Variants in PITPNC1 observed in about 807,000 individuals in gnomAD.
PITPNC1 encodes cytoplasmic phosphatidylinositol transfer protein 1.
PITPNC1 carries 18 observed loss-of-function variants against 44.7 expected under a neutral mutation model. The observed-to-expected ratio is 0.40, with a 90% confidence interval of 0.28 to 0.60. PITPNC1 has a LOEUF of 0.60. Among genes scored for constraint, PITPNC1 ranks in the 20% least tolerant of loss-of-function variants. PITPNC1 has a pLI of 0.39. For missense variants in PITPNC1, 290 were observed against 418.4 expected, an observed-to-expected ratio of 0.69 and a Z score of 2.68; for synonymous variants, 141 against 149.6, an observed-to-expected ratio of 0.94 and a Z score of 0.42.
intron 1 of PITPNC1, among the ~76,000 whole-genome samples, chr17:67,418,362 A>G (rs2038616493): frequency 6.6e-6 from 1 of 152,220 alleles, no homozygotes; most frequent in African/African-American, 2.4e-5. Context: ...TTAGTAAGTA[A>G]ATACTGACCC....
At chr17:67,435,744 C>T (rs2038928818) in intron 1 of PITPNC1, among the ~76,000 whole-genome samples, 2 of 152,098 alleles carry the variant, frequency 1.3e-5, no homozygotes, top group South Asian at 4.1e-4. Context: ...CCCAGCTACT[C>T]AGGAGGCTGA....
chr17:67,498,636 G>A (rs774258963), intron 1 of PITPNC1, among the ~76,000 whole-genome samples: 6 of 152,108 alleles, frequency 3.9e-5, no homozygotes, highest in South Asian at 2.1e-4. Context: ...TCTCCATAGC[G>A]GCTGTGCTAC....
intron 6 of PITPNC1, among the ~76,000 whole-genome samples, chr17:67,662,324 C>CAT (rs1460823483): frequency 3.3e-5 from 5 of 151,262 alleles, no homozygotes; most frequent in Admixed American, 6.6e-5. Flanking sequence ...TGTGGTGGTG[C>CAT]GTGCCTGTAA....
intron 5 of PITPNC1, among the ~76,000 whole-genome samples, chr17:67,605,367 C>A (rs2041595108): frequency 6.6e-6 from 1 of 152,200 alleles, no homozygotes; most frequent in South Asian, 2.1e-4. Flanking sequence ...TACGGATTTT[C>A]CATGGTCTGC....
At chr17:67,402,973 C>A (rs902252368) in intron 1 of PITPNC1, among the ~76,000 whole-genome samples, 1 of 151,990 alleles carries the variant, frequency 6.6e-6, no homozygotes, top group African/African-American at 2.4e-5. Context: ...AGCCTGACCA[C>A]GTTTTTGATT....
chr17:67,380,232 G>A (rs374340035), intron 1 of PITPNC1, among the ~76,000 whole-genome samples: 16 of 152,040 alleles, frequency 1.1e-4, no homozygotes, highest in South Asian at 6.2e-4. Context: ...CTGCCACCAC[G>A]TCTGGCTAAT....
intron 5 of PITPNC1, among the ~76,000 whole-genome samples, chr17:67,596,286 G>T (rs2041458504): frequency 1.3e-5 from 2 of 152,088 alleles, no homozygotes; most frequent in Non-Finnish European, 2.9e-5. Flanking sequence ...GAACCATCTG[G>T]GTCTCTTGGA....
At chr17:67,441,609 G>C (rs1160825775) in intron 1 of PITPNC1, among the ~76,000 whole-genome samples, 3 of 152,278 alleles carry the variant, frequency 2.0e-5, no homozygotes, top group South Asian at 4.1e-4. Flanking sequence ...CTTCTAATCC[G>C]ATCACAGCTG....
intron 1 of PITPNC1, among the ~76,000 whole-genome samples, chr17:67,384,424 T>TTA (rs1257566306): frequency 8.7e-6 from 1 of 114,720 alleles, no homozygotes; most frequent in Non-Finnish European, 2.1e-5. Context: ...GTGTTCCTTG[T>TTA]TCTCTTTTTT....
chr17:67,556,614 T>C (rs1356677998), intron 4 of PITPNC1, among the ~76,000 whole-genome samples: 1 of 152,026 alleles, frequency 6.6e-6, no homozygotes, highest in Non-Finnish European at 1.5e-5. Flanking sequence ...ATCCTGCAAT[T>C]GACATGCCAT....
At chr17:67,492,223 G>T (rs2039874926) in intron 1 of PITPNC1, among the ~76,000 whole-genome samples, 1 of 152,106 alleles carries the variant, frequency 6.6e-6, no homozygotes, top group Non-Finnish European at 1.5e-5. Flanking sequence ...CTGTGAATAT[G>T]ATCTTATTTG....
At chr17:67,390,569 T>C (rs2038123927) in intron 1 of PITPNC1, among the ~76,000 whole-genome samples, 1 of 152,220 alleles carries the variant, frequency 6.6e-6, no homozygotes, top group Non-Finnish European at 1.5e-5. Flanking sequence ...TCCTTTGCCT[T>C]ATTGATGTTT....
intron 1 of PITPNC1, among the ~76,000 whole-genome samples, chr17:67,512,500 C>CA (rs1006177232): frequency 0.2 from 11,942 of 58,422 alleles, 1,307 homozygotes; most frequent in Non-Finnish European, 0.24. Flanking sequence ...GACTGTGTCT[C>CA]AAAAAAAAAA....
chr17:67,641,592 T>A (rs901277986), intron 6 of PITPNC1, among the ~76,000 whole-genome samples: 1 of 151,988 alleles, frequency 6.6e-6, no homozygotes, highest in Non-Finnish European at 1.5e-5. Flanking sequence ...AGGTCAGAAG[T>A]TCCAGACCCA....
rs1410815526 is a variant in PITPNC1 at position 67,545,110 on chromosome 17, G to A, written c.198-7147G>A. On this transcript the variant is annotated intron_variant, in intron 2 of 8. Transcript: ENST00000581322. ...GAGGATCCCTTGAGGCCAGGAGTTC[G>A]AGACAAGCCTGGGCAACATAGTGGG... 2.6e-5 allele frequency among the ~76,000 whole-genome samples: 4 copies of A among 151,880 alleles called. No homozygotes were observed. In the South Asian group the frequency reaches 6.2e-4, roughly 24 times the overall value.
chr17:67,472,433 G>A (rs187099407), intron 1 of PITPNC1, among the ~76,000 whole-genome samples: 223 of 150,332 alleles, frequency 1.5e-3, no homozygotes, highest in South Asian at 3.0e-3. Flanking sequence ...GGGTCACGAG[G>A]TCAGGAGATC....
chr17:67,636,115 G>A (rs1202121431), intron 6 of PITPNC1, among the ~76,000 whole-genome samples: 1 of 151,986 alleles, frequency 6.6e-6, no homozygotes, highest in African/African-American at 2.4e-5. Flanking sequence ...TGGCCAACAT[G>A]GTGAAACCTC....
At chr17:67,431,635 G>C (rs552008364) in intron 1 of PITPNC1, among the ~76,000 whole-genome samples, 9 of 152,304 alleles carry the variant, frequency 5.9e-5, no homozygotes, top group African/African-American at 2.2e-4. Flanking sequence ...TGTGCCTTCT[G>C]TTTAATTACA....
intron 2 of PITPNC1, among the ~76,000 whole-genome samples, chr17:67,535,330 C>A (rs947859878): frequency 6.6e-6 from 1 of 152,210 alleles, no homozygotes; most frequent in South Asian, 2.1e-4. Context: ...GAGCAAGTTT[C>A]TCCTCGGGGA....
Sources: allele counts gnomAD v4.1 joint callset (sites outside exome capture counted in the v4.1 genomes callset), GRCh38; gene constraint gnomAD v4.1.1; transcripts MANE v1.5; gene names NCBI Gene and HGNC (gene_info 2026-07-23, HGNC 2026-07-21).